GFPT2: variants seen among roughly 807,000 people sequenced by gnomAD.
The protein encoded by GFPT2 is glutamine--fructose-6-phosphate aminotransferase [isomerizing] 2.
A neutral mutation model predicts 85.6 loss-of-function variants in GFPT2; 62 were observed. That is an observed-to-expected ratio of 0.72 (90% CI 0.59 to 0.90). The LOEUF (loss-of-function observed/expected upper bound fraction) is 0.90, where lower values mean the gene tolerates loss of function less well. GFPT2 is among the 40% of genes least tolerant of loss of function. The pLI is 0.00. For missense variants in GFPT2, 788 were observed against 893.4 expected (o/e 0.88, Z 1.50); for synonymous variants, 368 against 344.5 (o/e 1.07, Z -0.75).
chr5:180,305,189 C>T (rs879381741), intron 16 of GFPT2, among the ~76,000 whole-genome samples: 2 of 152,156 alleles, frequency 1.3e-5, no homozygotes, highest in Non-Finnish European at 2.9e-5. Flanking sequence ...ACACCAGCCC[C>T]GGGCACTGCT....
intron 7 of GFPT2, among the ~76,000 whole-genome samples, chr5:180,326,949 A>G (rs1764220078): frequency 6.6e-6 from 1 of 152,244 alleles, no homozygotes; most frequent in South Asian, 2.1e-4. Context: ...TGGATTTTAA[A>G]AAGGGCTTCT....
At chr5:180,322,594 C>CAGGATAT (rs1764140127) in intron 9 of GFPT2, among the ~76,000 whole-genome samples, 1 of 152,182 alleles carries the variant, frequency 6.6e-6, no homozygotes, top group Non-Finnish European at 1.5e-5. Flanking sequence ...TGGCTAAGGC[C>CAGGATAT]AGGATATAGG....
chr5:180,316,837 T>A lies in GFPT2; in HGVS notation c.1079A>T (p.His360Leu), dbSNP rs1203899428. 1 of 1,613,912 alleles carries A rather than the reference T, an allele frequency of 6.2e-7. No homozygotes were observed. Among genetic ancestry groups the A allele is most frequent in the Admixed American group, 1.7e-5 (1 of 60,024 alleles). The part of the protein sequence containing the change: ...NTVLLGGLKD[H>L]LKEIRRCRRL... The stretch of plus-strand genomic sequence containing the variant: ...TCGGCATCGTCGAATCTCCTTCAAG[T>A]GGTCCTTCAAGCCACCCAGGAGCAC... Residue 360 changes from histidine to leucine, a missense_variant, in exon 12 of 19, where the codon CAC becomes CTC. Transcript: ENST00000253778.
At chr5:180,307,072 C>T (rs374106649) in intron 16 of GFPT2, 104 bp downstream of exon 16, 1 of 929,436 alleles carries the variant, frequency 1.1e-6, no homozygotes, top group Middle Eastern at 3.3e-4. Flanking sequence ...GGTCCTTAGG[C>T]CCGGCCCTCC....
In GFPT2 at chr5:180,318,478, AGAG is replaced by A. The variant is rs1455629800; in HGVS notation, c.958+312_958+314del. 4.6e-5 allele frequency: 15 copies of A among 322,698 alleles called. 1 individual carries two copies. The highest frequency in any genetic ancestry group is 8.3e-5 in the Non-Finnish European group (14 of 168,450). The allele number at this position is 322,698 out of a possible 1,614,324, so 20.0% of individuals were successfully genotyped here. A position where few individuals can be genotyped will look rare whatever the true frequency, so the allele number is the denominator to read the frequency against. Reference sequence around the variant, plus strand: ...ACTGCAGACCTGCAGACTTCCACCCAGAGGAGAAATGATGCCTGAGGGTGGGCA... The same window carrying A: ...ACTGCAGACCTGCAGACTTCCACCCAGAGAAATGATGCCTGAGGGTGGGCA... On this transcript the variant is annotated intron_variant, in intron 10 of 18. Coordinates refer to ENST00000253778, the MANE Select transcript of GFPT2 (RefSeq NM_005110.4). This position sits in a 1 kb window ranked among gnomAD's most constrained non-coding sequence, Gnocchi z 4.2.
chr5:180,302,415 A>T lies in GFPT2; in HGVS notation c.2004+8T>A. The T allele has an allele frequency of 6.2e-7, 1 of 1,610,896 alleles. No individual in the cohort carries two copies. The highest frequency in any genetic ancestry group is 8.5e-7 in the Non-Finnish European group (1 of 1,178,230). On this transcript the variant is annotated splice_region_variant and intron_variant, in intron 18 of 18. Transcript: ENST00000253778. ...CTCTCTGCTGTTAGGTGCAGTTTTT[A>T]GACGCACGTCATATCCTCGGAGAAC...
At chr5:180,350,639 G>A (rs933212529) in intron 1 of GFPT2, among the ~76,000 whole-genome samples, 3 of 152,250 alleles carry the variant, frequency 2.0e-5, no homozygotes, top group African/African-American at 7.2e-5. Context: ...GAGAAGGAAA[G>A]GAGAGAGACA....
At position 180,313,977 on chromosome 5, in the gene GFPT2, G is replaced by T. The variant is rs930300666; in HGVS notation, c.1274-13C>A. 1 of 1,587,174 alleles carries T rather than the reference G, an allele frequency of 6.3e-7. No individual in the cohort carries two copies. The highest frequency in any genetic ancestry group is 8.5e-7 in the Non-Finnish European group (1 of 1,173,450). Reference sequence around the variant, plus strand: ...TCCGCGGTCTCGCCTGCCGCCCAGGGGCCCTCTCAGTGCCGCGCTCCGCCA... The same window carrying T: ...TCCGCGGTCTCGCCTGCCGCCCAGGTGCCCTCTCAGTGCCGCGCTCCGCCA... On this transcript the variant is annotated splice_polypyrimidine_tract_variant and intron_variant, in intron 13 of 18. Coordinates refer to ENST00000253778, the MANE Select transcript of GFPT2 (RefSeq NM_005110.4).
chr5:180,313,906 GGTGAGAGC>G lies in GFPT2; in HGVS notation c.1324_1331del (p.Ala442ArgfsTer51). On this transcript the variant is annotated frameshift_variant, in exon 14 of 19. Coordinates refer to ENST00000253778, the MANE Select transcript of GFPT2 (RefSeq NM_005110.4). LOFTEE classifies it high-confidence loss of function. The stretch of plus-strand genomic sequence containing the variant: ...TGCCCACGGTGTTGGTGACGCCCAC[GGTGAGAGC>G]GCCGCGGTCCTTACAGTAGCGCAGC... The G allele has an allele frequency of 6.2e-7, 1 of 1,606,594 alleles. No individual in the cohort carries two copies. Among genetic ancestry groups the G allele is most frequent in the Non-Finnish European group, 8.5e-7 (1 of 1,179,470 alleles).
chr5:180,320,363 C>A (rs556359380), intron 9 of GFPT2, among the ~76,000 whole-genome samples: 2 of 152,184 alleles, frequency 1.3e-5, no homozygotes, highest in South Asian at 4.2e-4. Flanking sequence ...GATCATAATA[C>A]AAAGTATCTT....
At chr5:180,327,867 T>C (rs1310047097) in intron 7 of GFPT2, among the ~76,000 whole-genome samples, 1 of 152,212 alleles carries the variant, frequency 6.6e-6, no homozygotes, top group African/African-American at 2.4e-5. Context: ...TCTGCTGTAC[T>C]GGATCCAAAT....
chr5:180,307,838 C>T (rs920772608), intron 15 of GFPT2, among the ~76,000 whole-genome samples: 5 of 152,220 alleles, frequency 3.3e-5, no homozygotes, highest in South Asian at 4.1e-4. Flanking sequence ...GAGGACCAGG[C>T]GTGGTGGCTC....
Position 180,312,527 on chromosome 5 carries a change from G to T in GFPT2, c.1449C>A (p.Phe483Leu), listed in dbSNP as rs1763913985. 1 of 1,580,832 alleles carries T rather than the reference G, an allele frequency of 6.3e-7. No homozygotes were observed. Among genetic ancestry groups the T allele is most frequent in the Non-Finnish European group, 8.7e-7 (1 of 1,149,588 alleles). The stretch of plus-strand genomic sequence containing the variant: ...TCAAACCAAACATCACCAGAGAGAT[G>T]AACTGACTGGTATAAGCCTGTGCAC... Reference protein sequence around the residue: ...VASTKAYTSQFISLVMFGLMM... With the variant: ...VASTKAYTSQLISLVMFGLMM... Residue 483 changes from phenylalanine (F) to leucine (L), a missense_variant, in exon 15 of 19, where the codon TTC (phenylalanine) becomes TTA (leucine). Coordinates refer to ENST00000253778, the MANE Select transcript of GFPT2 (RefSeq NM_005110.4).
chr5:180,310,080 G>A (rs150937552), intron 15 of GFPT2, among the ~76,000 whole-genome samples: 184 of 151,568 alleles, frequency 1.2e-3, no homozygotes, highest in African/African-American at 3.8e-3. Flanking sequence ...AAAGTGCTAG[G>A]ATGACAGGCA....
chr5:180,318,748 G>A lies in GFPT2; in HGVS notation c.958+45C>T, dbSNP rs376185643. 37 of 1,558,484 alleles carry A rather than the reference G, an allele frequency of 2.4e-5. No individual in the cohort carries two copies. In the African/African-American group the frequency reaches 3.3e-4, roughly 14 times the overall value. On this transcript the variant is annotated intron_variant, in intron 10 of 18. Transcript: ENST00000253778. This position sits in a 1 kb window ranked among gnomAD's most constrained non-coding sequence, Gnocchi z 4.2. Reference sequence around the variant, plus strand: ...GAGTGTCAGGAGCTCCACCAGGCGCGCTGGCTCCCGAGGCTGCCGCACGTG... The same window carrying A: ...GAGTGTCAGGAGCTCCACCAGGCGCACTGGCTCCCGAGGCTGCCGCACGTG...
In GFPT2 at chr5:180,312,561, A is replaced by T; in HGVS notation, c.1432-17T>A. 1 of 1,286,634 alleles carries T rather than the reference A, an allele frequency of 7.8e-7. No homozygotes were observed. The highest frequency in any genetic ancestry group is 1.1e-6 in the Non-Finnish European group (1 of 882,076). 79.7% of individuals were successfully genotyped at this position (1,286,634 alleles called of 1,614,324 possible). On this transcript the variant is annotated splice_polypyrimidine_tract_variant and intron_variant, in intron 14 of 18. Transcript: ENST00000253778. ...GGTATAAGCCTGTGCACAAAGAAGG[A>T]GGTGGCAGGGACCTTATTTTCACTT...
intron 1 of GFPT2, among the ~76,000 whole-genome samples, chr5:180,351,222 A>T (rs916964129): frequency 1.1e-4 from 17 of 152,198 alleles, no homozygotes; most frequent in African/African-American, 4.1e-4. Context: ...CAATGTATTC[A>T]ATTCTAGCCA....
intron 5 of GFPT2, 35 bp downstream of exon 5, chr5:180,331,460 C>G (rs1333215485): frequency 7.6e-7 from 1 of 1,309,874 alleles, no homozygotes; most frequent in Non-Finnish European, 1.1e-6. Context: ...ACCAATCCCA[C>G]CGGACTGAGA....
chr5:180,331,320 A>G, intron 5 of GFPT2, 175 bp downstream of exon 5: 1 of 604,578 alleles, frequency 1.7e-6, no homozygotes, highest in Non-Finnish European at 2.9e-6. Context: ...CTCAAACGAG[A>G]TCTGCAGGGC....
Sources: gnomAD v4.1 joint callset for allele counts (sites outside exome capture counted in the v4.1 genomes callset) on GRCh38, gnomAD v4.1.1 for gene constraint, Gnocchi (gnomAD v3.1) non-coding constraint, MANE v1.5 for transcripts, NCBI Gene and HGNC (gene_info 2026-07-23, HGNC 2026-07-21) for gene names.